Variants in CCDC172 observed in about 807,000 individuals in gnomAD.
The protein encoded by CCDC172 is coiled-coil domain-containing protein 172.
Under a neutral mutation model 38.0 loss-of-function variants are expected in CCDC172, and 30 were observed. The observed-to-expected ratio is 0.79, with a 90% CI of 0.59 to 1.07. CCDC172 has a LOEUF of 1.07. Ranked by LOEUF, CCDC172 falls within the 50% of genes least tolerant of loss-of-function variation. CCDC172 has a pLI of 0.00. For synonymous variants in CCDC172, 78 were observed against 88.3 expected (o/e 0.88, Z 0.66); for missense variants, 297 against 290.1 (o/e 1.02, Z -0.17).
rs547271410 is a variant in CCDC172, at chr10:116,344,624, T to C, written c.448+2423T>C. On this transcript the variant is annotated intron_variant, in intron 5 of 8. Transcript: ENST00000333254. Reference sequence around the variant, plus strand: ...CATTACTGTATGCTACTGTAAACTTTATAAACACTGTGTATTTAGGCTACA... The same window carrying C: ...CATTACTGTATGCTACTGTAAACTTCATAAACACTGTGTATTTAGGCTACA... 5.9e-5 allele frequency among the ~76,000 whole-genome samples: 9 copies of C among 152,254 alleles called. No homozygotes were observed. The South Asian group carries it at 1.9e-3, about 32-fold the overall frequency.
intron 5 of CCDC172, among the ~76,000 whole-genome samples, chr10:116,344,649 A>G (rs1380675351): frequency 6.6e-6 from 1 of 152,170 alleles, no homozygotes; most frequent in Non-Finnish European, 1.5e-5. Flanking sequence ...TTTAGGCTAC[A>G]CTAAGTTTGT....
At chr10:116,326,951 A>T (rs988647737) in intron 3 of CCDC172, among the ~76,000 whole-genome samples, 3 of 152,226 alleles carry the variant, frequency 2.0e-5, no homozygotes, top group Non-Finnish European at 2.9e-5. Flanking sequence ...TGGGCAAAAC[A>T]TTAAGAATGT....
intron 8 of CCDC172, 44 bp from the exon 9 acceptor site, chr10:116,379,279 G>T: frequency 8.2e-7 from 1 of 1,217,338 alleles, no homozygotes; most frequent in Non-Finnish European, 1.1e-6. Flanking sequence ...ATTTTATTAA[G>T]AATTTACTTT....
chr10:116,347,456 A>G (rs886937703), intron 5 of CCDC172, among the ~76,000 whole-genome samples: 1 of 152,168 alleles, frequency 6.6e-6, no homozygotes. Flanking sequence ...AGCAGAAGGA[A>G]GAGCAGAAAT....
At chr10:116,372,387 T>C (rs1299243767) in intron 7 of CCDC172, among the ~76,000 whole-genome samples, 2 of 152,088 alleles carry the variant, frequency 1.3e-5, no homozygotes, top group Non-Finnish European at 2.9e-5. Context: ...TATTCAGTTA[T>C]GTAACCACCA....
chr10:116,330,710 A>G (rs1449712466), intron 3 of CCDC172, among the ~76,000 whole-genome samples: 1 of 152,072 alleles, frequency 6.6e-6, no homozygotes, highest in Admixed American at 6.6e-5. Flanking sequence ...GAGTCCAGCT[A>G]TCTTCTTTTT....
At chr10:116,375,312 A>ATTT in intron 7 of CCDC172, among the ~76,000 whole-genome samples, 3 of 152,000 alleles carry the variant, frequency 2.0e-5, no homozygotes, top group African/African-American at 7.2e-5. Flanking sequence ...TATTATTATT[A>ATTT]TACTTTAAGT....
At chr10:116,347,362 A>G (rs1844880220) in intron 5 of CCDC172, among the ~76,000 whole-genome samples, 1 of 152,202 alleles carries the variant, frequency 6.6e-6, no homozygotes, top group African/African-American at 2.4e-5. Context: ...ACTAAGAAGC[A>G]GCAATCAGAG....
intron 3 of CCDC172, among the ~76,000 whole-genome samples, chr10:116,331,528 T>C (rs148556440): frequency 0.01 from 1,567 of 152,304 alleles, 35 homozygotes; most frequent in African/African-American, 0.033. Flanking sequence ...TCCCAGCATC[T>C]AGAACAGTGC....
intron 3 of CCDC172, among the ~76,000 whole-genome samples, chr10:116,330,549 T>C (rs1450245285): frequency 6.6e-6 from 1 of 152,132 alleles, no homozygotes; most frequent in African/African-American, 2.4e-5. Context: ...AGATTCCACA[T>C]TGCAACTAAC....
chr10:116,327,415 G>A (rs529469632), intron 3 of CCDC172, among the ~76,000 whole-genome samples: 2 of 152,174 alleles, frequency 1.3e-5, no homozygotes, highest in Admixed American at 1.3e-4. Flanking sequence ...CTGGATTGGT[G>A]AGGATATTGA....
At chr10:116,372,860 A>C (rs950075172) in intron 7 of CCDC172, among the ~76,000 whole-genome samples, 1 of 152,202 alleles carries the variant, frequency 6.6e-6, no homozygotes. Context: ...AATCATGCAA[A>C]CCAGAAGACA....
Position 116,342,118 on chromosome 10 carries a change from C to G in CCDC172, c.365C>G (p.Thr122Arg). ...ITDFNNDYEITKKRELLMKEN... is the reference protein window; with the variant it reads ...ITDFNNDYEIRKKRELLMKEN... ...GACTTTAATAATGATTATGAAATAACAAAGAAAAGAGAGCTTTTGATGAAA... is the reference window on the plus strand; with the variant it reads ...GACTTTAATAATGATTATGAAATAAGAAAGAAAAGAGAGCTTTTGATGAAA... Residue 122 changes from threonine (T) to arginine (R), a missense_variant, in exon 5 of 9, where the codon ACA (threonine) becomes AGA (arginine). Transcript: ENST00000333254. 6.5e-7 allele frequency: 1 copy of G among 1,548,882 alleles called. No homozygotes were observed. The highest frequency in any genetic ancestry group is 8.6e-7 in the Non-Finnish European group (1 of 1,156,840).
At chr10:116,325,495 C>G (rs1481118054) in intron 3 of CCDC172, 107 bp downstream of exon 3, 6 of 808,090 alleles carry the variant, frequency 7.4e-6, no homozygotes, top group Admixed American at 2.6e-5. Context: ...GTAGGAAGCA[C>G]GTTACTCTGT....
chr10:116,341,037 G>A (rs1416965226), intron 4 of CCDC172, among the ~76,000 whole-genome samples, 187 bp downstream of exon 4: 1 of 151,962 alleles, frequency 6.6e-6, no homozygotes, highest in Non-Finnish European at 1.5e-5. Context: ...AGAAGTATAT[G>A]GGCAGGGATG....
At chr10:116,376,875 A>T (rs1462209618) in intron 7 of CCDC172, among the ~76,000 whole-genome samples, 1 of 152,168 alleles carries the variant, frequency 6.6e-6, no homozygotes, top group African/African-American at 2.4e-5. Context: ...AGGTACTGTT[A>T]TCATTGAAGA....
chr10:116,356,245 G>A (rs1011555860), intron 5 of CCDC172, among the ~76,000 whole-genome samples: 1 of 151,834 alleles, frequency 6.6e-6, no homozygotes, highest in African/African-American at 2.4e-5. Context: ...CAGGAGAATC[G>A]CTTGAACCCG....
chr10:116,336,439 C>T (rs1267646214), intron 3 of CCDC172, among the ~76,000 whole-genome samples: 1 of 151,250 alleles, frequency 6.6e-6, no homozygotes, highest in East Asian at 1.9e-4. Context: ...AGGTTATTTC[C>T]TTCCTTGCTA....
intron 7 of CCDC172, among the ~76,000 whole-genome samples, chr10:116,377,179 A>G (rs1428590518): frequency 2.0e-5 from 3 of 152,226 alleles, no homozygotes; most frequent in East Asian, 1.9e-4. Context: ...AACTTAAAGT[A>G]TAATAAAAAA....
Sources: allele counts gnomAD v4.1 joint callset (sites outside exome capture counted in the v4.1 genomes callset), GRCh38; gene constraint gnomAD v4.1.1; transcripts MANE v1.5; gene names NCBI Gene and HGNC (gene_info 2026-07-23, HGNC 2026-07-21).